LSAMP: variants seen among roughly 807,000 people sequenced by gnomAD.
The protein encoded by LSAMP is limbic system-associated membrane protein.
LSAMP carries 7 observed loss-of-function variants against 38.6 expected under a neutral mutation model. The observed-to-expected ratio is 0.18, with a 90% CI of 0.10 to 0.34. LSAMP has a LOEUF of 0.34. Ranked by LOEUF, LSAMP falls within the 10% of genes least tolerant of loss-of-function variation. The probability of loss-of-function intolerance (pLI) is 1.00; values close to 1 mark genes in which losing one functional copy is unlikely to be tolerated. For missense variants in LSAMP, 313 were observed against 420.0 expected, an observed-to-expected ratio of 0.75 and a Z score of 2.23; for synonymous variants, 154 against 166.8, an observed-to-expected ratio of 0.92 and a Z score of 0.59.
At chr3:116,045,541 T>TAAAA (rs10662058) in intron 2 of LSAMP, among the ~76,000 whole-genome samples, 1,372 of 75,914 alleles carry the variant, frequency 0.018, 37 homozygotes, top group African/African-American at 0.061. Context: ...GTGGAGGTGG[T>TAAAA]AAAAAAAAAA....
chr3:116,028,845 C>A (rs1338472210), intron 2 of LSAMP, among the ~76,000 whole-genome samples: 2 of 151,998 alleles, frequency 1.3e-5, no homozygotes, highest in Non-Finnish European at 2.9e-5. Context: ...TTAATTGTGG[C>A]ATTAACAATA....
At chr3:115,881,672 T>C (rs1487803263) in intron 3 of LSAMP, among the ~76,000 whole-genome samples, 2 of 152,156 alleles carry the variant, frequency 1.3e-5, no homozygotes, top group South Asian at 2.1e-4. Flanking sequence ...TTAAGCCAGA[T>C]GGGATATGTG....
intron 1 of LSAMP, among the ~76,000 whole-genome samples, chr3:116,142,952 G>T (rs1433561593): frequency 1.3e-5 from 2 of 150,908 alleles, no homozygotes; most frequent in South Asian, 4.2e-4. Flanking sequence ...CTGAGGAACT[G>T]GTGTTTTAAT....
intron 1 of LSAMP, among the ~76,000 whole-genome samples, chr3:116,395,437 C>T (rs934886143): frequency 8.5e-5 from 13 of 152,114 alleles, no homozygotes; most frequent in African/African-American, 3.1e-4. Flanking sequence ...TGATAATTCA[C>T]AATTTAAGGG....
chr3:115,856,880 A>G (rs1935524685), intron 3 of LSAMP, among the ~76,000 whole-genome samples: 1 of 152,202 alleles, frequency 6.6e-6, no homozygotes, highest in Non-Finnish European at 1.5e-5. Context: ...GAACTGAATT[A>G]AGAAATTCAA....
At chr3:116,383,766 T>C (rs1309096850) in intron 1 of LSAMP, among the ~76,000 whole-genome samples, 1 of 152,154 alleles carries the variant, frequency 6.6e-6, no homozygotes, top group Non-Finnish European at 1.5e-5. Flanking sequence ...ACTGGCAATG[T>C]ATGTTCTTAT....
At position 115,852,504 on chromosome 3, in the gene LSAMP, G is replaced by A; in HGVS notation, c.628C>T (p.Gln210Ter). The change falls in exon 4 of 7, where the codon CAA becomes TAA. Residue 210 changes from glutamine to a stop codon, truncating the protein, a stop_gained. Transcript: ENST00000490035. LOFTEE classifies it high-confidence loss of function. ...TCACAGTTCACAGTGACCTTGACTT[G>A]TTTGACATCCGCCGAGGAGACCTCG... ...ANEVSSADVK[Q>*]VKVTVNYPPT... 1 of 1,612,720 alleles carries A rather than the reference G, an allele frequency of 6.2e-7. No homozygotes were observed. The highest frequency in any genetic ancestry group is 8.5e-7 in the Non-Finnish European group (1 of 1,179,420).
At chr3:116,183,871 A>G (rs1710547295) in intron 1 of LSAMP, among the ~76,000 whole-genome samples, 1 of 151,822 alleles carries the variant, frequency 6.6e-6, no homozygotes, top group South Asian at 2.1e-4. Context: ...CAGAGTAGAG[A>G]GAAAAATAGG....
chr3:116,072,668 T>TC (rs1707637912), intron 2 of LSAMP, among the ~76,000 whole-genome samples: 1 of 152,182 alleles, frequency 6.6e-6, no homozygotes, highest in Non-Finnish European at 1.5e-5. Context: ...AGCTTTTTTT[T>TC]CATGTTTGTT....
At chr3:116,090,128 T>C (rs945008525) in intron 1 of LSAMP, among the ~76,000 whole-genome samples, 4 of 147,106 alleles carry the variant, frequency 2.7e-5, no homozygotes, top group Admixed American at 6.8e-5. Flanking sequence ...GGCAGGAAAA[T>C]CACTTGAACT....
intron 1 of LSAMP, among the ~76,000 whole-genome samples, chr3:116,272,225 T>C (rs1042816007): frequency 2.0e-5 from 3 of 152,126 alleles, no homozygotes; most frequent in African/African-American, 4.8e-5. Flanking sequence ...GATGCATTTG[T>C]GTATGAACAC....
chr3:115,808,787 G>A lies in LSAMP; in HGVS notation c.*1530C>T, dbSNP rs1265709787. 1 of 152,216 alleles carries A rather than the reference G, an allele frequency of 6.6e-6. No individual in the cohort carries two copies. Among genetic ancestry groups the A allele is most frequent in the Non-Finnish European group, 1.5e-5 (1 of 68,072 alleles). 9.4% of individuals were successfully genotyped at this position (152,216 alleles called of 1,614,324 possible). On this transcript the variant is annotated 3_prime_UTR_variant, in exon 7 of 7. Transcript: ENST00000490035. ...GAAAAACATCTGCAGAGGAGCACAA[G>A]GAGTGAACTGCTTTTCATTATGGCC...
chr3:115,895,448 G>A (rs1322742206), intron 3 of LSAMP, among the ~76,000 whole-genome samples: 1 of 152,048 alleles, frequency 6.6e-6, no homozygotes, highest in African/African-American at 2.4e-5. Flanking sequence ...TCACAAACTG[G>A]CTGATTACTA....
chr3:116,258,026 TAGG>T (rs2046773710), intron 1 of LSAMP, among the ~76,000 whole-genome samples: 1 of 152,104 alleles, frequency 6.6e-6, no homozygotes, highest in South Asian at 2.1e-4. Flanking sequence ...TCAGGTAAAA[TAGG>T]AGGAATTAAA....
At chr3:116,090,271 C>A (rs192629246) in intron 1 of LSAMP, among the ~76,000 whole-genome samples, 10 of 151,508 alleles carry the variant, frequency 6.6e-5, no homozygotes, top group Admixed American at 6.6e-4. Flanking sequence ...TCAGTAGTTT[C>A]AATTTGTAGA....
intron 3 of LSAMP, among the ~76,000 whole-genome samples, chr3:115,899,415 A>G (rs1936813718): frequency 6.6e-6 from 1 of 152,188 alleles, no homozygotes; most frequent in African/African-American, 2.4e-5. Context: ...AGTGCAGAGC[A>G]TTCACAATTC....
intron 1 of LSAMP, among the ~76,000 whole-genome samples, chr3:116,370,268 T>C (rs969937139): frequency 3.3e-5 from 5 of 152,130 alleles, no homozygotes; most frequent in African/African-American, 1.2e-4. Context: ...TCTATAAATA[T>C]GTAATTAAGA....
intron 1 of LSAMP, among the ~76,000 whole-genome samples, chr3:116,139,062 T>C (rs1709316291): frequency 6.6e-6 from 1 of 151,842 alleles, no homozygotes. Flanking sequence ...TGTATAAGTA[T>C]ATATAATATA....
intron 4 of LSAMP, among the ~76,000 whole-genome samples, chr3:115,850,913 T>G (rs1276046034): frequency 6.6e-6 from 1 of 152,154 alleles, no homozygotes; most frequent in Non-Finnish European, 1.5e-5. Flanking sequence ...CTAATGATGC[T>G]TATCTCATAG....
Sources: allele counts gnomAD v4.1 joint callset (sites outside exome capture counted in the v4.1 genomes callset), GRCh38; gene constraint gnomAD v4.1.1; transcripts MANE v1.5; gene names NCBI Gene and HGNC (gene_info 2026-07-23, HGNC 2026-07-21).